The following PSD3 variants were observed in gnomAD, a reference collection of about 807,000 sequenced individuals.
The protein encoded by PSD3 is PH and SEC7 domain-containing protein 3.
A neutral mutation model predicts 105.5 loss-of-function variants in PSD3; 49 were observed. The ratio of observed to expected loss-of-function variants is 0.46; its 90% CI spans 0.37 to 0.59. The LOEUF is 0.59. PSD3 is among the 20% of genes least tolerant of loss of function. The probability of loss-of-function intolerance (pLI) is 0.00; values close to 1 mark genes in which losing one functional copy is unlikely to be tolerated. For synonymous variants in PSD3, 557 were observed against 457.8 expected (o/e 1.22, Z -2.77); for missense variants, 1,561 against 1,263.8 (o/e 1.24, Z -3.57).
At chr8:18,542,648 C>G (rs1414611534) in intron 15 of PSD3, among the ~76,000 whole-genome samples, 1 of 152,106 alleles carries the variant, frequency 6.6e-6, no homozygotes, top group African/African-American at 2.4e-5. Flanking sequence ...TAATAATGAG[C>G]CCATGGAAAG....
chr8:19,020,843 C>T (rs1827340199), intron 1 of PSD3, among the ~76,000 whole-genome samples: 1 of 152,116 alleles, frequency 6.6e-6, no homozygotes, highest in South Asian at 2.1e-4. Context: ...AATGGAGTTA[C>T]ATTAACTAAC....
chr8:18,787,561 G>A (rs915761653), intron 8 of PSD3, among the ~76,000 whole-genome samples: 12 of 152,068 alleles, frequency 7.9e-5, no homozygotes, highest in African/African-American at 2.7e-4. Context: ...TTAAATATTT[G>A]GCTAATCAAG....
chr8:18,584,859 G>C (rs1433074947), intron 12 of PSD3, among the ~76,000 whole-genome samples: 1 of 152,174 alleles, frequency 6.6e-6, no homozygotes, highest in African/African-American at 2.4e-5. Context: ...TAGAGCCTAT[G>C]GCTTATTTTT....
At chr8:18,913,086 AACACACACACACACACAC>A (rs72253853) in intron 2 of PSD3, among the ~76,000 whole-genome samples, 1 of 130,464 alleles carries the variant, frequency 7.7e-6, no homozygotes, top group Admixed American at 7.8e-5. Context: ...CACACACACA[AACACACACACACACACAC>A]ACACACACAC....
chr8:18,590,798 G>C (rs118081414), intron 12 of PSD3, among the ~76,000 whole-genome samples: 2,200 of 152,086 alleles, frequency 0.014, 60 homozygotes, highest in South Asian at 0.02. Flanking sequence ...ATGATCTAGG[G>C]ACAGAAGAAA....
At chr8:19,068,517 C>G (rs1052275513) in intron 1 of PSD3, among the ~76,000 whole-genome samples, 5 of 152,084 alleles carry the variant, frequency 3.3e-5, no homozygotes, top group Non-Finnish European at 4.4e-5. Context: ...TCTTGAAGTC[C>G]TGGCCTCAAG....
rs1390881458 is a variant in PSD3, at chr8:18,528,129, T to C, written c.*7614A>G. The stretch of plus-strand genomic sequence containing the variant: ...TAATCAAGGCTGACAATATAAATTC[T>C]CCGCTAGTGTACATTTAGAAATGGG... On this transcript the variant is annotated 3_prime_UTR_variant, in exon 16 of 16. Coordinates refer to ENST00000327040, the MANE Select transcript of PSD3 (RefSeq NM_015310.4). The C allele has an allele frequency of 6.6e-6, 1 of 152,210 alleles. No individual in the cohort carries two copies. Among genetic ancestry groups the C allele is most frequent in the Non-Finnish European group, 1.5e-5 (1 of 68,034 alleles). 9.4% of individuals were successfully genotyped at this position (152,210 alleles called of 1,614,324 possible). A position where few individuals can be genotyped will look rare whatever the true frequency, so the allele number is the denominator to read the frequency against.
chr8:19,071,987 G>C (rs1443337235), intron 1 of PSD3, among the ~76,000 whole-genome samples: 2 of 152,132 alleles, frequency 1.3e-5, no homozygotes, highest in African/African-American at 4.8e-5. Flanking sequence ...TGGGATTCCA[G>C]GCGTAAGCCA....
intron 1 of PSD3, among the ~76,000 whole-genome samples, chr8:18,976,910 T>C (rs916697401): frequency 9.9e-5 from 15 of 152,152 alleles, no homozygotes; most frequent in African/African-American, 3.6e-4. Flanking sequence ...TATGTGGCTG[T>C]TATAGAGAAT....
chr8:18,570,854 A>ATTATTT (rs2130312717), intron 14 of PSD3, among the ~76,000 whole-genome samples: 1 of 149,466 alleles, frequency 6.7e-6, no homozygotes, highest in East Asian at 2.0e-4. Context: ...TATTATTATT[A>ATTATTT]TTATTATTAT....
intron 1 of PSD3, among the ~76,000 whole-genome samples, chr8:19,076,343 T>C (rs1055594355): frequency 6.6e-6 from 1 of 152,154 alleles, no homozygotes; most frequent in African/African-American, 2.4e-5. Context: ...TCCTGGCCTG[T>C]AGTGGATTTA....
chr8:18,618,990 T>C (rs961475643), intron 11 of PSD3, among the ~76,000 whole-genome samples: 3 of 152,148 alleles, frequency 2.0e-5, no homozygotes. Flanking sequence ...TAACAAGGCA[T>C]ATCCTCTATC....
At chr8:19,013,168 T>G (rs1367593030) in intron 1 of PSD3, among the ~76,000 whole-genome samples, 1 of 151,936 alleles carries the variant, frequency 6.6e-6, no homozygotes, top group African/African-American at 2.4e-5. Context: ...TCAATTCAAG[T>G]TTGTTTAGTT....
At chr8:18,785,239 C>G (rs990810916) in intron 8 of PSD3, among the ~76,000 whole-genome samples, 4 of 152,034 alleles carry the variant, frequency 2.6e-5, no homozygotes, top group African/African-American at 9.7e-5. Flanking sequence ...ATGAAATGAC[C>G]CTTATTATAA....
At chr8:18,722,280 C>A (rs1159315279) in intron 9 of PSD3, among the ~76,000 whole-genome samples, 1 of 152,094 alleles carries the variant, frequency 6.6e-6, no homozygotes, top group Non-Finnish European at 1.5e-5. Context: ...GCTGGTTGTT[C>A]CCTTTTTTAA....
At chr8:18,814,586 C>T (rs559220052) in intron 4 of PSD3, among the ~76,000 whole-genome samples, 20 of 152,304 alleles carry the variant, frequency 1.3e-4, no homozygotes, top group Non-Finnish European at 2.5e-4. Flanking sequence ...TGTTAATAAA[C>T]CCATATTACA....
At chr8:18,568,191 T>C (rs1212388369) in intron 14 of PSD3, among the ~76,000 whole-genome samples, 2 of 152,172 alleles carry the variant, frequency 1.3e-5, no homozygotes, top group Non-Finnish European at 2.9e-5. Context: ...CAGGCTCTAG[T>C]ATTCTTTATA....
At chr8:18,539,340 G>A (rs936802133) in intron 15 of PSD3, among the ~76,000 whole-genome samples, 3 of 152,188 alleles carry the variant, frequency 2.0e-5, no homozygotes, top group African/African-American at 2.4e-5. Context: ...CATTGATTTC[G>A]CCTCATATTC....
chr8:18,614,476 G>A (rs980488654), intron 11 of PSD3, among the ~76,000 whole-genome samples: 3 of 151,770 alleles, frequency 2.0e-5, no homozygotes, highest in Non-Finnish European at 4.4e-5. Flanking sequence ...AAAAGAGGAG[G>A]TAGAATAAAA....
Sources: allele counts gnomAD v4.1 joint callset (sites outside exome capture counted in the v4.1 genomes callset), GRCh38; gene constraint gnomAD v4.1.1; transcripts MANE v1.5; gene names NCBI Gene and HGNC (gene_info 2026-07-23, HGNC 2026-07-21).